The following ADRM1 variants were observed in gnomAD, a reference collection of about 807,000 sequenced individuals.
ADRM1 encodes the protein ADRM1 26S proteasome ubiquitin receptor, also known as proteasomal ubiquitin receptor ADRM1.
A neutral mutation model predicts 40.1 loss-of-function variants in ADRM1; 2 were observed. That is an observed-to-expected ratio of 0.05 (90% CI 0.02 to 0.16). The LOEUF (loss-of-function observed/expected upper bound fraction) is 0.16. Among genes scored for constraint, ADRM1 ranks in the 10% least tolerant of loss-of-function variants. The pLI is 1.00. For missense variants in ADRM1, 467 were observed against 552.5 expected, an observed-to-expected ratio of 0.85 and a Z score of 1.55; for synonymous variants, 287 against 240.4, an observed-to-expected ratio of 1.19 and a Z score of -1.79.
At chr20:62,304,009 G>C (rs1215573022) in intron 2 of ADRM1, 2 of 568,910 alleles carry the variant, frequency 3.5e-6, no homozygotes, top group Admixed American at 3.1e-5. Flanking sequence ...GTGTGGCCCT[G>C]GAGAGCCCGG....
chr20:62,304,558 G>A lies in ADRM1; in HGVS notation c.311G>A (p.Arg104Gln). 1 of 1,614,006 alleles carries A rather than the reference G, an allele frequency of 6.2e-7. No homozygotes were observed. Among genetic ancestry groups the A allele is most frequent in the South Asian group, 1.1e-5 (1 of 91,076 alleles). Residue 104 changes from arginine to glutamine, a missense_variant, in exon 3 of 10, where the codon CGG becomes CAG. By Grantham distance (43) the Arg-to-Gln change is conservative (BLOSUM62 1). Transcript: ENST00000253003. ...CTGAAGTTCAAGGCAGGGTCCAAGC[G>A]GCTTTTCTTCTGGATGCAGGTATGG... Reference protein sequence around the residue: ...YVLKFKAGSKRLFFWMQEPKT... With the variant: ...YVLKFKAGSKQLFFWMQEPKT...
chr20:62,308,466 G>A lies in ADRM1; in HGVS notation c.1113G>A (p.Lys371=). ...LPAEAVEAAN[K]GDVEAFAKAM... ...CAGAGGCTGTGGAGGCCGCCAACAAGGGCGGTAAGTGGCTGCGCCTGCACC... is the reference window on the plus strand; with the variant it reads ...CAGAGGCTGTGGAGGCCGCCAACAAAGGCGGTAAGTGGCTGCGCCTGCACC... Residue 371 remains lysine (K), a synonymous_variant, in exon 9 of 10, where the codon AAG becomes AAA. Transcript: ENST00000253003. 1 of 1,602,976 alleles carries A rather than the reference G, an allele frequency of 6.2e-7. No homozygotes were observed.
Position 62,303,582 on chromosome 20 carries a change from G to T in ADRM1, c.14G>T (p.Gly5Val). ...CGCGCTTTCAGGATGACGACCTCAG[G>T]CGCGCTCTTTCCAAGCCTGGTGCCA... MTTS[G>V]ALFPSLVPGS... The change falls in exon 2 of 10, where the codon GGC becomes GTC. Residue 5 changes from glycine (G) to valine (V), a missense_variant. Coordinates refer to ENST00000253003, the MANE Select transcript of ADRM1 (RefSeq NM_007002.4). 1 of 1,585,150 alleles carries T rather than the reference G, an allele frequency of 6.3e-7. No homozygotes were observed.
chr20:62,307,884 G>C, intron 7 of ADRM1, 56 bp downstream of exon 7: 3 of 1,557,516 alleles, frequency 1.9e-6, no homozygotes, highest in South Asian at 2.3e-5. Flanking sequence ...GCTGACCCTC[G>C]CACGCTCACC....
At position 62,303,788 on chromosome 20, in the gene ADRM1, G is replaced by A. The variant is rs1274559580; in HGVS notation, c.213+7G>A. 3.1e-6 allele frequency: 5 copies of A among 1,608,706 alleles called. No individual in the cohort carries two copies. Among genetic ancestry groups the A allele is most frequent in the Non-Finnish European group, 4.2e-6 (5 of 1,179,112 alleles). On this transcript the variant is annotated splice_region_variant and intron_variant, in intron 2 of 9. Transcript: ENST00000253003. ...GTCCGGGAACGTGGAAGACGTGAGT[G>A]TCCCTGAGCCGCAGCAGCAGGACAG...
At position 62,306,302 on chromosome 20, in the gene ADRM1, G is replaced by A. The variant is rs1984946649; in HGVS notation, c.436G>A (p.Glu146Lys). Residue 146 changes from glutamate to lysine, a missense_variant, in exon 4 of 10, where the codon GAA becomes AAA. By Grantham distance (56) the Glu-to-Lys change is moderately conservative. This residue lies in a region of ADRM1 where 418 missense variants were observed against 474.6 expected (regional missense o/e 0.88). Transcript: ENST00000253003. Reference sequence around the variant, plus strand: ...GGGGGCCAGCGGAAGCAGCGGCCACGAACTCTCTGCGCTAGGCGGTAACTG... The same window carrying A: ...GGGGGCCAGCGGAAGCAGCGGCCACAAACTCTCTGCGCTAGGCGGTAACTG... ...ALGASGSSGH[E>K]LSALGGEGGL... 1.2e-6 allele frequency: 2 copies of A among 1,612,704 alleles called. No homozygotes were observed. The highest frequency in any genetic ancestry group is 1.7e-6 in the Non-Finnish European group (2 of 1,179,870).
chr20:62,308,819 C>G lies in ADRM1; in HGVS notation c.*58C>G. The G allele has an allele frequency of 6.3e-7, 1 of 1,584,568 alleles. No individual in the cohort carries two copies. The highest frequency in any genetic ancestry group is 8.6e-7 in the Non-Finnish European group (1 of 1,167,930). ...TGCAGTGCGTTGCACACCCTCACCT[C>G]CCACCCACTGATTATTAATAAAGTC... On this transcript the variant is annotated 3_prime_UTR_variant, in exon 10 of 10. Coordinates refer to ENST00000253003, the MANE Select transcript of ADRM1 (RefSeq NM_007002.4).
At chr20:62,305,542 T>TA (rs1190860653) in intron 3 of ADRM1, 1 of 152,358 alleles carries the variant, frequency 6.6e-6, no homozygotes, top group Non-Finnish European at 1.5e-5. Flanking sequence ...GTCCAACTGT[T>TA]ACCACCATCT....
intron 2 of ADRM1, chr20:62,304,025 T>C: frequency 1.8e-6 from 1 of 557,144 alleles, no homozygotes; most frequent in Non-Finnish European, 3.2e-6. Flanking sequence ...CCCGGAGCTC[T>C]GTGCCTGGCC....
At position 62,303,664 on chromosome 20, in the gene ADRM1, C is replaced by A; in HGVS notation, c.96C>A (p.Ser32=). The change falls in exon 2 of 10, where the codon TCC becomes TCA. Residue 32 remains serine, a synonymous_variant. Coordinates refer to ENST00000253003, the MANE Select transcript of ADRM1 (RefSeq NM_007002.4). ...TGGAGTTTCGGGCGGGAAAGATGTC[C>A]CTGAAGGGGACCACCGTGACTCCGG... ...YLVEFRAGKM[S]LKGTTVTPDK... 6.2e-7 allele frequency: 1 copy of A among 1,612,324 alleles called. No homozygotes were observed.
intron 3 of ADRM1, chr20:62,305,545 C>T (rs939833830): frequency 6.6e-6 from 1 of 152,192 alleles, no homozygotes; most frequent in African/African-American, 2.4e-5. Context: ...CAACTGTTAC[C>T]ACCATCTCCC....
intron 4 of ADRM1, 53 bp downstream of exon 4, chr20:62,306,373 T>C: frequency 6.2e-7 from 1 of 1,611,328 alleles, no homozygotes; most frequent in Non-Finnish European, 8.5e-7. Context: ...GGCCAGAGTC[T>C]ACTGTGGATG....
intron 2 of ADRM1, chr20:62,304,154 T>G: frequency 2.1e-6 from 1 of 479,336 alleles, no homozygotes; most frequent in South Asian, 2.3e-5. Context: ...TGTTCTTTGT[T>G]ACATTTGAGA....
In ADRM1 at chr20:62,303,069, T is replaced by TGGGGCGGCCG. The variant is rs894590100; in HGVS notation, c.-2+27_-2+36dup. On this transcript the variant is annotated intron_variant, in intron 1 of 9. Transcript: ENST00000253003. Reference sequence around the variant, plus strand: ...AGGCAGGTGCGGGAGTCGCCGGGCCTGGGGCGGCCGGGGGCGACCGGAGGC... The same window carrying TGGGGCGGCCG: ...AGGCAGGTGCGGGAGTCGCCGGGCCTGGGGCGGCCGGGGGCGGCCGGGGGCGACCGGAGGC... 2.2e-5 allele frequency: 3 copies of TGGGGCGGCCG among 139,060 alleles called. No homozygotes were observed. Among genetic ancestry groups the TGGGGCGGCCG allele is most frequent in the Admixed American group, 7.1e-5 (1 of 13,998 alleles). The allele number at this position is 139,060 out of a possible 1,614,324, so 8.6% of individuals were successfully genotyped here. A position where few individuals can be genotyped will look rare whatever the true frequency, so the allele number is the denominator to read the frequency against.
rs1227017942 is a variant in ADRM1 at position 62,306,594 on chromosome 20, GGGCCCGCGTGGATCTGGCTGGGGCA to G, written c.455-46_455-22del. 4 of 1,523,806 alleles carry G rather than the reference GGGCCCGCGTGGATCTGGCTGGGGCA, an allele frequency of 2.6e-6. No homozygotes were observed. The African/African-American group carries it at 4.1e-5, about 16-fold the overall frequency. 94.4% of individuals were successfully genotyped at this position (1,523,806 alleles called of 1,614,324 possible). A position where few individuals can be genotyped will look rare whatever the true frequency, so the allele number is the denominator to read the frequency against. ...CAGCAGAGGCGCAGGCAGTGCGGTG[GGGCCCGCGTGGATCTGGCTGGGGCA>G]GGCCCGCCTGAGCTGCAGTGTTTTC... On this transcript the variant is annotated intron_variant, in intron 4 of 9. Transcript: ENST00000253003.
At chr20:62,305,985 A>C (rs147439838) in intron 3 of ADRM1, 2 of 589,640 alleles carry the variant, frequency 3.4e-6, no homozygotes, top group Non-Finnish European at 5.9e-6. Context: ...ATTGCGGCGG[A>C]TGGGGACAGG....
Position 62,307,665 on chromosome 20 carries a change from T to C in ADRM1, c.693T>C (p.Pro231=). Reference sequence around the variant, plus strand: ...CTTCCACCCGTGCCACCCCAGCCCCTTCTGCTCCAGCAGCTGCCTCAGCAA... The same window carrying C: ...CTTCCACCCGTGCCACCCCAGCCCCCTCTGCTCCAGCAGCTGCCTCAGCAA... ...TTSSTRATPA[P]SAPAAASATS... is the part of the protein sequence containing the mutation. The change falls in exon 7 of 10, where the codon CCT becomes CCC. Residue 231 remains proline, a synonymous_variant. Transcript: ENST00000253003. The C allele has an allele frequency of 7.4e-6, 12 of 1,612,220 alleles. No homozygotes were observed. The highest frequency in any genetic ancestry group is 1.0e-5 in the Non-Finnish European group (12 of 1,179,908).
chr20:62,308,088 G>T lies in ADRM1; in HGVS notation c.924G>T (p.Glu308Asp), dbSNP rs1985411671. 1 of 1,611,510 alleles carries T rather than the reference G, an allele frequency of 6.2e-7. No individual in the cohort carries two copies. The highest frequency in any genetic ancestry group is 1.7e-5 in the Admixed American group (1 of 59,968). ...APILANADVQ[E>D]RLLPYLPSGE... ...TCCTCGCCAACGCGGATGTCCAGGA[G>T]CGCCTGCTTCCCTACTTGCCATCTG... Residue 308 changes from glutamate to aspartate, a missense_variant, in exon 8 of 10, where the codon GAG becomes GAT. Physicochemically the swap from Glu to Asp is conservative, Grantham distance 45. Around this residue, in one of 3 missense-constraint regions of ADRM1, gnomAD observed 418 missense variants for 474.6 expected, o/e 0.88. Transcript: ENST00000253003.
chr20:62,306,478 C>T (rs1984985881), intron 4 of ADRM1, 158 bp downstream of exon 4: 2 of 1,342,728 alleles, frequency 1.5e-6, no homozygotes, highest in African/African-American at 1.4e-5. Flanking sequence ...CCCACTCCCA[C>T]CTTCACGGGG....
Sources: allele counts gnomAD v4.1 joint callset, GRCh38; gene constraint gnomAD v4.1.1; regional missense constraint gnomAD v4.1.1; transcripts MANE v1.5; gene names NCBI Gene and HGNC (gene_info 2026-07-23, HGNC 2026-07-21).